Variants in TCEA1 observed in about 807,000 individuals in gnomAD.
TCEA1 encodes the protein transcription elongation factor A protein 1.
Under a neutral mutation model 43.8 loss-of-function variants are expected in TCEA1, and 21 were observed. The ratio of observed to expected loss-of-function variants is 0.48; its 90% confidence interval spans 0.34 to 0.69. The LOEUF (loss-of-function observed/expected upper bound fraction) is 0.69. TCEA1 is among the 30% of genes least tolerant of loss of function. The probability of loss-of-function intolerance (pLI) is 0.01; values close to 1 mark genes in which losing one functional copy is unlikely to be tolerated. For synonymous variants in TCEA1, 104 were observed against 117.5 expected (o/e 0.88, Z 0.75); for missense variants, 250 against 365.1 (o/e 0.68, Z 2.57).
At chr8:54,016,667 T>C (rs1017205987) in intron 1 of TCEA1, among the ~76,000 whole-genome samples, 12 of 151,664 alleles carry the variant, frequency 7.9e-5, no homozygotes, top group Non-Finnish European at 1.8e-4. Context: ...GGTGAAACCC[T>C]GTCTCTACTA....
At chr8:53,984,610 A>T in intron 6 of TCEA1, 93 bp from the exon 7 acceptor site, 1 of 1,129,046 alleles carries the variant, frequency 8.9e-7, no homozygotes, top group Non-Finnish European at 1.2e-6. Flanking sequence ...GAGGCCAGGC[A>T]CGGTGGCTCA....
intron 5 of TCEA1, 141 bp downstream of exon 5, chr8:53,987,973 G>T: frequency 9.9e-7 from 1 of 1,010,296 alleles, no homozygotes; most frequent in Non-Finnish European, 1.4e-6. Context: ...ACCCGTATCA[G>T]CAACAACTTC....
At chr8:53,995,932 T>C (rs561981625) in intron 3 of TCEA1, among the ~76,000 whole-genome samples, 3 of 152,342 alleles carry the variant, frequency 2.0e-5, no homozygotes, top group African/African-American at 7.2e-5. Context: ...ATAATTTTAC[T>C]GCTCCTTGTT....
rs745371195 is a variant in TCEA1 at position 53,986,933 on chromosome 8, A to T, written c.523+36T>A. On this transcript the variant is annotated intron_variant, in intron 6 of 9. Coordinates refer to ENST00000521604, the MANE Select transcript of TCEA1 (RefSeq NM_006756.4). ...ATATGTTCAATAAATATTACTTATT[A>T]AAAAAAACAATTATGAATATACACA... 5.7e-5 allele frequency: 85 copies of T among 1,494,268 alleles called. 3 individuals are homozygous for T. The South Asian group carries it at 9.1e-4, about 16-fold the overall frequency. 92.6% of individuals were successfully genotyped at this position (1,494,268 alleles called of 1,614,324 possible). A position where few individuals can be genotyped will look rare whatever the true frequency, so the allele number is the denominator to read the frequency against.
At chr8:53,981,432 A>G (rs923088701) in intron 7 of TCEA1, among the ~76,000 whole-genome samples, 2 of 152,176 alleles carry the variant, frequency 1.3e-5, no homozygotes, top group African/African-American at 4.8e-5. Context: ...ATGCTCATTT[A>G]CCATTTGGAA....
rs1336431617 is a variant in TCEA1, at chr8:54,005,280, G to A, written c.126+5150C>T. ...AAAATTAAATGAAATTTAGAATTCC[G>A]TTCCTTAGTCATATTTCAAGTGCTC... On this transcript the variant is annotated intron_variant, in intron 2 of 9. Transcript: ENST00000521604. 2.6e-5 allele frequency among the ~76,000 whole-genome samples: 4 copies of A among 152,102 alleles called. No individual in the cohort carries two copies. In the East Asian group the frequency reaches 5.8e-4, roughly 22 times the overall value.
chr8:53,974,716 A>G (rs1803273740), intron 8 of TCEA1, among the ~76,000 whole-genome samples: 1 of 151,900 alleles, frequency 6.6e-6, no homozygotes, highest in African/African-American at 2.4e-5. Context: ...TTTAGTAGAG[A>G]TGGGGGTTTC....
intron 1 of TCEA1, among the ~76,000 whole-genome samples, chr8:54,012,108 T>C (rs1804670125): frequency 6.6e-6 from 1 of 152,224 alleles, no homozygotes; most frequent in South Asian, 2.1e-4. Flanking sequence ...AAATGAAGTC[T>C]TCGATCCCTT....
At chr8:54,021,744 C>T (rs1335520993) in intron 1 of TCEA1, 1 of 255,338 alleles carries the variant, frequency 3.9e-6, no homozygotes, top group African/African-American at 2.2e-5. Context: ...AATTCCTAAG[C>T]TAAATTGCCA....
Position 53,967,755 on chromosome 8 carries a change from G to A in TCEA1, c.*349C>T, listed in dbSNP as rs1485569888. 3.9e-6 allele frequency: 1 copy of A among 253,178 alleles called. No individual in the cohort carries two copies. The highest frequency in any genetic ancestry group is 7.6e-6 in the Non-Finnish European group (1 of 132,182). The allele number at this position is 253,178 out of a possible 1,614,324, so 15.7% of individuals were successfully genotyped here. A position where few individuals can be genotyped will look rare whatever the true frequency, so the allele number is the denominator to read the frequency against. On this transcript the variant is annotated 3_prime_UTR_variant, in exon 10 of 10. Transcript: ENST00000521604. ...TTCATTTATGTATTAATAACAGAGA[G>A]TAACAGAATTTCTACTGTGTATGTT...
At chr8:54,018,612 C>T (rs1026431522) in intron 1 of TCEA1, among the ~76,000 whole-genome samples, 2 of 152,086 alleles carry the variant, frequency 1.3e-5, no homozygotes, top group African/African-American at 2.4e-5. Context: ...TTACTGACAC[C>T]GAATCAAAGT....
At chr8:54,014,546 C>A (rs780590919) in intron 1 of TCEA1, among the ~76,000 whole-genome samples, 17 of 152,204 alleles carry the variant, frequency 1.1e-4, no homozygotes, top group Non-Finnish European at 2.5e-4. Context: ...CTTTAATTTC[C>A]AGAGCCAAAT....
intron 4 of TCEA1, among the ~76,000 whole-genome samples, chr8:53,990,478 C>T (rs1173809788): frequency 6.6e-6 from 1 of 151,838 alleles, no homozygotes; most frequent in Non-Finnish European, 1.5e-5. Flanking sequence ...TCTCCTGCCT[C>T]AGCCTCCCAA....
chr8:53,995,653 G>C (rs1804031135), intron 3 of TCEA1, among the ~76,000 whole-genome samples: 1 of 152,168 alleles, frequency 6.6e-6, no homozygotes, highest in Non-Finnish European at 1.5e-5. Context: ...CTGGATAGCA[G>C]AATCACCTAG....
At chr8:53,986,885 G>T in intron 6 of TCEA1, 84 bp downstream of exon 6, 1 of 1,076,574 alleles carries the variant, frequency 9.3e-7, no homozygotes, top group Non-Finnish European at 1.3e-6. Context: ...ACTACTGCAT[G>T]TAAAACCGTG....
chr8:53,982,410 C>A lies in TCEA1; in HGVS notation c.678+1953G>T, dbSNP rs140064902. On this transcript the variant is annotated intron_variant, in intron 7 of 9. Coordinates refer to ENST00000521604, the MANE Select transcript of TCEA1 (RefSeq NM_006756.4). ...ATCACCTGAGGTCAGGAGTTTGAGACCAGCCTGCCCAACATGGTGAAACCC... is the reference window on the plus strand; with the variant it reads ...ATCACCTGAGGTCAGGAGTTTGAGAACAGCCTGCCCAACATGGTGAAACCC... Among the ~76,000 whole-genome samples the A allele has an allele frequency of 3.2e-3, 489 of 152,004 alleles. 9 individuals are homozygous for A. Among genetic ancestry groups the A allele is most frequent in the Admixed American group, 0.03 (465 of 15,264 alleles).
At chr8:53,980,831 T>A (rs1471024087) in intron 7 of TCEA1, among the ~76,000 whole-genome samples, 2 of 152,198 alleles carry the variant, frequency 1.3e-5, no homozygotes, top group African/African-American at 4.8e-5. Flanking sequence ...GAGGAAGGCA[T>A]ATGGAAAGCT....
Position 53,967,909 on chromosome 8 carries a change from A to G in TCEA1, c.*195T>C. On this transcript the variant is annotated 3_prime_UTR_variant, in exon 10 of 10. Transcript: ENST00000521604. ...ATATGTTTTGAAACAGGTACCATAAAATTATTATATGGTCTCCCTACTGAT... is the reference window on the plus strand; with the variant it reads ...ATATGTTTTGAAACAGGTACCATAAGATTATTATATGGTCTCCCTACTGAT... 2.3e-6 allele frequency: 1 copy of G among 437,954 alleles called. No individual in the cohort carries two copies. 27.1% of individuals were successfully genotyped at this position (437,954 alleles called of 1,614,324 possible).
intron 4 of TCEA1, among the ~76,000 whole-genome samples, chr8:53,989,182 G>A (rs1435493750): frequency 6.6e-6 from 1 of 152,188 alleles, no homozygotes; most frequent in Non-Finnish European, 1.5e-5. Flanking sequence ...AAAATGGTGT[G>A]TTTCTCCCCA....
Sources: gnomAD v4.1 joint callset for allele counts (sites outside exome capture counted in the v4.1 genomes callset) on GRCh38, gnomAD v4.1.1 for gene constraint, MANE v1.5 for transcripts, NCBI Gene and HGNC (gene_info 2026-07-23, HGNC 2026-07-21) for gene names.